LAMA2: variants seen among roughly 807,000 people sequenced by gnomAD.
The protein encoded by LAMA2 is laminin subunit alpha-2.
In LAMA2, 269 loss-of-function variants were observed where a neutral mutation model predicts 364.8. The ratio of observed to expected loss-of-function variants is 0.74; its 90% confidence interval spans 0.67 to 0.82. LAMA2 has a LOEUF of 0.82. LAMA2 is among the 40% of genes least tolerant of loss of function. The probability of loss-of-function intolerance (pLI) is 0.00; values close to 1 mark genes in which losing one functional copy is unlikely to be tolerated. For synonymous variants in LAMA2, 1,379 were observed against 1,370.6 expected (o/e 1.01, Z -0.14); for missense variants, 3,807 against 3,873.2 (o/e 0.98, Z 0.45).
At chr6:129,268,101 A>T (rs1268468701) in intron 16 of LAMA2, among the ~76,000 whole-genome samples, 1 of 152,054 alleles carries the variant, frequency 6.6e-6, no homozygotes, top group Non-Finnish European at 1.5e-5. Context: ...CTTCTACTTA[A>T]AAGCTTCTGG....
At chr6:129,237,839 G>T (rs2115147182) in intron 12 of LAMA2, among the ~76,000 whole-genome samples, 2 of 151,916 alleles carry the variant, frequency 1.3e-5, no homozygotes, top group Non-Finnish European at 1.5e-5. Context: ...CAAACTTTTG[G>T]GTCTTTGGCA....
At chr6:129,279,882 A>C (rs1788599263) in intron 17 of LAMA2, among the ~76,000 whole-genome samples, 179 bp from the exon 18 acceptor site, 3 of 152,142 alleles carry the variant, frequency 2.0e-5, no homozygotes, top group Non-Finnish European at 4.4e-5. Context: ...CGTCTGCAGA[A>C]ATAGCAATGT....
intron 42 of LAMA2, among the ~76,000 whole-genome samples, chr6:129,439,036 C>G (rs1781972420): frequency 6.6e-6 from 1 of 151,680 alleles, no homozygotes. Context: ...AAAACTCATC[C>G]TTCAGTATTG....
intron 1 of LAMA2, among the ~76,000 whole-genome samples, chr6:128,884,138 C>T (rs1776013833): frequency 6.6e-6 from 1 of 152,128 alleles, no homozygotes; most frequent in Admixed American, 6.5e-5. Context: ...TTATTCTCCT[C>T]AGAGCCTCTT....
chr6:129,069,373 A>T (rs1278488244), intron 3 of LAMA2, among the ~76,000 whole-genome samples: 1 of 148,854 alleles, frequency 6.7e-6, no homozygotes. Flanking sequence ...ATGCTTATGT[A>T]TATCATATTT....
chr6:128,968,983 A>G (rs1363356813), intron 1 of LAMA2, among the ~76,000 whole-genome samples: 1 of 152,194 alleles, frequency 6.6e-6, no homozygotes, highest in Non-Finnish European at 1.5e-5. Flanking sequence ...GTTGGAGGCA[A>G]GCAATGCTTC....
intron 4 of LAMA2, among the ~76,000 whole-genome samples, chr6:129,106,877 T>A (rs59511658): frequency 0.036 from 4,831 of 132,990 alleles, 70 homozygotes; most frequent in East Asian, 0.052. Context: ...AAAAAAAAAA[T>A]ATATATATAT....
intron 49 of LAMA2, among the ~76,000 whole-genome samples, chr6:129,463,744 T>G (rs1184603251): frequency 6.6e-6 from 1 of 151,964 alleles, no homozygotes; most frequent in Non-Finnish European, 1.5e-5. Context: ...ATGTACTAGA[T>G]GTTTTGAGTT....
chr6:128,914,915 T>G (rs2114468882), intron 1 of LAMA2, among the ~76,000 whole-genome samples: 1 of 152,310 alleles, frequency 6.6e-6, no homozygotes, highest in Non-Finnish European at 1.5e-5. Flanking sequence ...TTTCCATTTT[T>G]AAATCATATT....
intron 45 of LAMA2, among the ~76,000 whole-genome samples, chr6:129,447,590 G>A (rs1260095393): frequency 6.6e-6 from 1 of 152,204 alleles, no homozygotes; most frequent in African/African-American, 2.4e-5. Flanking sequence ...AACAACACTG[G>A]TACTTGGGAT....
rs967466083 is a variant in LAMA2, at chr6:129,397,086, CA to C, written c.5445+3840del. Among the ~76,000 whole-genome samples the C allele has an allele frequency of 3.4e-5, 5 of 148,774 alleles. No homozygotes were observed. The East Asian group carries it at 5.9e-4, about 17-fold the overall frequency. ...TGAAGAATCTACCACACCAACACAC[CA>C]AAAAAAAAGAAAGAAAGAAAAAGAA... On this transcript the variant is annotated intron_variant, in intron 37 of 64. Coordinates refer to ENST00000421865, the MANE Select transcript of LAMA2 (RefSeq NM_000426.4).
intron 4 of LAMA2, among the ~76,000 whole-genome samples, chr6:129,129,979 AG>A (rs1215231076): frequency 2.6e-5 from 4 of 152,128 alleles, no homozygotes; most frequent in African/African-American, 9.7e-5. Flanking sequence ...ATAATTTTAA[AG>A]GGGCAGAAGT....
chr6:129,259,129 G>C (rs1786925428), intron 14 of LAMA2, among the ~76,000 whole-genome samples: 1 of 152,064 alleles, frequency 6.6e-6, no homozygotes, highest in Non-Finnish European at 1.5e-5. Flanking sequence ...CAAAAGTACT[G>C]TCAAGTGTCT....
chr6:129,441,894 G>T (rs1400673585), intron 43 of LAMA2, among the ~76,000 whole-genome samples: 1 of 151,954 alleles, frequency 6.6e-6, no homozygotes, highest in Non-Finnish European at 1.5e-5. Context: ...GAGGCTGGAG[G>T]ATCCCTTGAA....
intron 53 of LAMA2, among the ~76,000 whole-genome samples, chr6:129,478,100 C>T (rs1784166613): frequency 6.6e-6 from 1 of 152,096 alleles, no homozygotes; most frequent in Non-Finnish European, 1.5e-5. Flanking sequence ...GGCCAGTAAA[C>T]CTAATTTTTA....
At chr6:129,198,571 A>G (rs981729990) in intron 12 of LAMA2, among the ~76,000 whole-genome samples, 6 of 152,192 alleles carry the variant, frequency 3.9e-5, no homozygotes, top group Non-Finnish European at 8.8e-5. Context: ...CACAAATCCA[A>G]CAAGTTTTTT....
intron 1 of LAMA2, among the ~76,000 whole-genome samples, chr6:128,946,367 C>G (rs1452553388): frequency 6.6e-6 from 1 of 152,166 alleles, no homozygotes; most frequent in Non-Finnish European, 1.5e-5. Context: ...CCTGGCAACA[C>G]AGTACACTGT....
chr6:129,275,324 A>G (rs988154051), intron 17 of LAMA2, among the ~76,000 whole-genome samples: 1 of 152,004 alleles, frequency 6.6e-6, no homozygotes, highest in African/African-American at 2.4e-5. Flanking sequence ...ATGCCAAAGG[A>G]AAAAACTAAA....
At chr6:129,377,490 C>A (rs1299496476) in intron 34 of LAMA2, among the ~76,000 whole-genome samples, 3 of 152,134 alleles carry the variant, frequency 2.0e-5, no homozygotes, top group African/African-American at 7.2e-5. Flanking sequence ...GGAACTGGCT[C>A]ATTGTCATTC....
Sources: allele counts gnomAD v4.1 joint callset (sites outside exome capture counted in the v4.1 genomes callset), GRCh38; gene constraint gnomAD v4.1.1; transcripts MANE v1.5; gene names NCBI Gene and HGNC (gene_info 2026-07-23, HGNC 2026-07-21).